Variants in ZFHX3 observed in about 807,000 individuals in gnomAD.
ZFHX3 encodes zinc finger homeobox 3.
ZFHX3 carries 42 observed loss-of-function variants against 279.1 expected under a neutral mutation model. The observed-to-expected ratio is 0.15, with a 90% confidence interval of 0.12 to 0.19. The LOEUF is 0.19. Among genes scored for constraint, ZFHX3 ranks in the 10% least tolerant of loss-of-function variants. The pLI is 1.00. For missense variants in ZFHX3, 4,981 were observed against 4,754.0 expected, an observed-to-expected ratio of 1.05 and a Z score of -1.40; for synonymous variants, 2,293 against 1,957.8, an observed-to-expected ratio of 1.17 and a Z score of -4.52.
At chr16:73,432,890 C>G (rs775941230) in intron 3 of ZFHX3, among the ~76,000 whole-genome samples, 24 of 152,230 alleles carry the variant, frequency 1.6e-4, no homozygotes, top group Non-Finnish European at 3.1e-4. Context: ...GCTGACCTGA[C>G]AGAGACAGTT....
At chr16:73,209,109 C>T (rs1320809249) in intron 5 of ZFHX3, among the ~76,000 whole-genome samples, 1 of 152,024 alleles carries the variant, frequency 6.6e-6, no homozygotes, top group South Asian at 2.1e-4. Context: ...CCAAACAACA[C>T]AAAAACAAGA....
chr16:73,386,591 C>T (rs898957089), intron 3 of ZFHX3, among the ~76,000 whole-genome samples: 3 of 151,986 alleles, frequency 2.0e-5, no homozygotes, highest in Non-Finnish European at 4.4e-5. Flanking sequence ...TTTCTTAACC[C>T]AACATTAGGA....
chr16:73,164,526 C>G (rs1342281024), intron 5 of ZFHX3, among the ~76,000 whole-genome samples: 1 of 152,038 alleles, frequency 6.6e-6, no homozygotes, highest in Non-Finnish European at 1.5e-5. Flanking sequence ...ATGGGGATAT[C>G]CTGTCTCCAC....
chr16:73,777,915 T>C (rs1474559035), intron 1 of ZFHX3, among the ~76,000 whole-genome samples: 1 of 151,974 alleles, frequency 6.6e-6, no homozygotes, highest in East Asian at 1.9e-4. Flanking sequence ...TGTCACAAAA[T>C]AGCAAAGTCA....
intron 3 of ZFHX3, among the ~76,000 whole-genome samples, chr16:72,916,528 T>C (rs2039446915): frequency 6.6e-6 from 1 of 152,198 alleles, no homozygotes; most frequent in Admixed American, 6.5e-5. Context: ...CAAAAAGTCA[T>C]ATGGGGAAGA....
At chr16:73,621,365 A>C (rs568279452) in intron 2 of ZFHX3, among the ~76,000 whole-genome samples, 4 of 152,350 alleles carry the variant, frequency 2.6e-5, no homozygotes, top group African/African-American at 9.6e-5. Flanking sequence ...GTTTCACCTT[A>C]AATGAAAGTA....
intron 1 of ZFHX3, among the ~76,000 whole-genome samples, chr16:73,739,044 C>T (rs1289157217): frequency 6.6e-6 from 1 of 152,210 alleles, no homozygotes; most frequent in Admixed American, 6.5e-5. Context: ...TTCCTCTGTC[C>T]CTCGGACAAG....
At chr16:73,852,458 T>A (rs917211133) in intron 1 of ZFHX3, among the ~76,000 whole-genome samples, 61 of 152,230 alleles carry the variant, frequency 4.0e-4, no homozygotes, top group Admixed American at 2.3e-3. Context: ...AGTGATTTTT[T>A]AAAAAATTAC....
intron 2 of ZFHX3, among the ~76,000 whole-genome samples, chr16:73,569,776 G>C (rs529601869): frequency 2.0e-5 from 3 of 152,186 alleles, no homozygotes; most frequent in Non-Finnish European, 2.9e-5. Context: ...CCTGGGCAGG[G>C]CCGGAAGAGC....
Position 72,795,261 on chromosome 16 carries a change from A to G in ZFHX3, c.7421T>C (p.Leu2474Pro). 3 of 1,612,594 alleles carry G rather than the reference A, an allele frequency of 1.9e-6. No homozygotes were observed. The highest frequency in any genetic ancestry group is 2.5e-6 in the Non-Finnish European group (3 of 1,179,144). ...TNTPQQKLPQ[L>P]VSLPSLPQPP... Reference sequence around the variant, plus strand: ...CTGTGGCAACGAAGGCAGGGACACCAGCTGGGGGAGCTTCTGCTGGGGAGT... The same window carrying G: ...CTGTGGCAACGAAGGCAGGGACACCGGCTGGGGGAGCTTCTGCTGGGGAGT... The change falls in exon 9 of 10, where the codon CTG becomes CCG. Residue 2474 changes from leucine to proline, a missense_variant. Transcript: ENST00000268489.
chr16:72,906,804 T>A (rs1283513457), intron 3 of ZFHX3, among the ~76,000 whole-genome samples: 2 of 151,894 alleles, frequency 1.3e-5, no homozygotes, highest in African/African-American at 4.8e-5. Flanking sequence ...TCCACCCCCC[T>A]TCCCCCCCTC....
At chr16:73,562,280 A>G (rs1029996258) in intron 2 of ZFHX3, among the ~76,000 whole-genome samples, 2 of 152,186 alleles carry the variant, frequency 1.3e-5, no homozygotes, top group African/African-American at 4.8e-5. Context: ...AAAGGGCCAC[A>G]GTGGTGTGTC....
chr16:73,478,895 A>G (rs1348335606), intron 2 of ZFHX3, among the ~76,000 whole-genome samples: 1 of 152,144 alleles, frequency 6.6e-6, no homozygotes, highest in Non-Finnish European at 1.5e-5. Context: ...AACTAAAAAT[A>G]CAAAAAATTA....
chr16:73,212,121 T>A (rs2144911043), intron 5 of ZFHX3, among the ~76,000 whole-genome samples: 1 of 151,814 alleles, frequency 6.6e-6, no homozygotes, highest in South Asian at 2.1e-4. Context: ...GTTATCCATA[T>A]TCATTATTTT....
At chr16:73,832,410 G>C (rs1312705247) in intron 1 of ZFHX3, among the ~76,000 whole-genome samples, 1 of 152,058 alleles carries the variant, frequency 6.6e-6, no homozygotes, top group Non-Finnish European at 1.5e-5. Context: ...ACAGTACAAA[G>C]ACCCGTTCCT....
chr16:73,244,435 C>T (rs1352503404), intron 5 of ZFHX3, among the ~76,000 whole-genome samples: 2 of 152,156 alleles, frequency 1.3e-5, no homozygotes, highest in African/African-American at 4.8e-5. Flanking sequence ...GATTTTCACA[C>T]AAAGCCTCTT....
At chr16:73,720,023 A>T (rs971309217) in intron 1 of ZFHX3, among the ~76,000 whole-genome samples, 4 of 152,268 alleles carry the variant, frequency 2.6e-5, no homozygotes, top group African/African-American at 9.6e-5. Flanking sequence ...TGAGTAACCC[A>T]TAGAATAACA....
intron 1 of ZFHX3, among the ~76,000 whole-genome samples, chr16:72,983,105 G>C (rs1174144993): frequency 6.6e-6 from 1 of 152,154 alleles, no homozygotes; most frequent in South Asian, 2.1e-4. Context: ...GGTGTGAGCA[G>C]TTTCTTTAGT....
intron 7 of ZFHX3, among the ~76,000 whole-genome samples, chr16:73,101,114 C>G (rs972338416): frequency 6.6e-6 from 1 of 151,962 alleles, no homozygotes; most frequent in Admixed American, 6.6e-5. Context: ...TTGCCTTCTT[C>G]TTGGACAATC....
Sources: gnomAD v4.1 joint callset for allele counts (sites outside exome capture counted in the v4.1 genomes callset) on GRCh38, gnomAD v4.1.1 for gene constraint, MANE v1.5 for transcripts, NCBI Gene and HGNC (gene_info 2026-07-23, HGNC 2026-07-21) for gene names.